Variants in SAMD5 observed in about 807,000 individuals in gnomAD.
The protein encoded by SAMD5 is sterile alpha motif domain-containing protein 5.
Under a neutral mutation model 11.3 loss-of-function variants are expected in SAMD5, and 13 were observed. The ratio of observed to expected loss-of-function variants is 1.15; its 90% confidence interval spans 0.75 to 1.83. The LOEUF is 1.83. SAMD5 is among the 40% of genes most tolerant of loss of function. SAMD5 has a pLI of 0.00. For missense variants in SAMD5, 255 were observed against 239.1 expected (o/e 1.07, Z -0.44); for synonymous variants, 129 against 111.3 (o/e 1.16, Z -1.00).
chr6:147,877,667 G>A, the SAMD5 span, among the ~76,000 whole-genome samples: 2 of 151,924 alleles, frequency 1.3e-5, no homozygotes, highest in African/African-American at 2.4e-5. Context: ...CATCATGTGG[G>A]TAGTCTTTAT....
At chr6:147,660,919 C>G (rs1433951504) in intron 1 of SAMD5, 1 of 152,194 alleles carries the variant, frequency 6.6e-6, no homozygotes, top group Non-Finnish European at 1.5e-5. Flanking sequence ...ACTGGGAAGT[C>G]AGGCACAGGT....
chr6:147,731,432 A>G (rs1211865872), intron 1 of SAMD5, among the ~76,000 whole-genome samples: 3 of 152,156 alleles, frequency 2.0e-5, no homozygotes, highest in Non-Finnish European at 4.4e-5. Context: ...AGGAATGCTC[A>G]TGGGCTGCTG....
At chr6:147,631,148 G>A (rs1304052714) in intron 1 of SAMD5, among the ~76,000 whole-genome samples, 2 of 152,204 alleles carry the variant, frequency 1.3e-5, no homozygotes, top group Non-Finnish European at 2.9e-5. Context: ...TTTGTGGTAA[G>A]GGGTGATATT....
intron 1 of SAMD5, among the ~76,000 whole-genome samples, chr6:147,604,435 A>T (rs1358086121): frequency 3.9e-5 from 6 of 152,162 alleles, no homozygotes; most frequent in Admixed American, 3.9e-4. Flanking sequence ...CAGCCAAAAG[A>T]TAGTTTTCCT....
the SAMD5 span, among the ~76,000 whole-genome samples, chr6:147,809,788 T>G: frequency 3.3e-5 from 5 of 152,228 alleles, no homozygotes; most frequent in Non-Finnish European, 7.3e-5. Flanking sequence ...CATTCTTGGT[T>G]GTGAGGGCTG....
chr6:147,725,967 T>C (rs73787393), intron 1 of SAMD5, among the ~76,000 whole-genome samples: 1,571 of 152,286 alleles, frequency 0.01, 23 homozygotes, highest in African/African-American at 0.036. Flanking sequence ...ATATAAAATG[T>C]TTTCCACCAT....
the SAMD5 span, among the ~76,000 whole-genome samples, chr6:147,795,023 T>TA: frequency 2.6e-5 from 4 of 151,508 alleles, no homozygotes; most frequent in Middle Eastern, 3.4e-3. Flanking sequence ...TGGGACTCAT[T>TA]AAAAAAAATG....
chr6:147,850,136 A>G, the SAMD5 span, among the ~76,000 whole-genome samples: 1 of 152,254 alleles, frequency 6.6e-6, no homozygotes, highest in Non-Finnish European at 1.5e-5. Flanking sequence ...TGCTGTTTAA[A>G]TGAATCTGGA....
the SAMD5 span, among the ~76,000 whole-genome samples, chr6:147,829,164 T>C: frequency 6.6e-6 from 1 of 152,206 alleles, no homozygotes. Flanking sequence ...AGTTTGCTAA[T>C]ATGATTAATT....
chr6:147,852,469 T>C, the SAMD5 span, among the ~76,000 whole-genome samples: 8 of 152,150 alleles, frequency 5.3e-5, no homozygotes, highest in African/African-American at 1.7e-4. Context: ...GTTTGATTTT[T>C]TCAGTAAACT....
At chr6:147,950,376 A>G in the SAMD5 span, among the ~76,000 whole-genome samples, 1 of 152,014 alleles carries the variant, frequency 6.6e-6, no homozygotes, top group Non-Finnish European at 1.5e-5. Context: ...TGGCCTCCTG[A>G]TATTGGGCTG....
the SAMD5 span, among the ~76,000 whole-genome samples, chr6:147,861,827 C>A: frequency 6.6e-6 from 1 of 152,126 alleles, no homozygotes; most frequent in Non-Finnish European, 1.5e-5. Context: ...AGGGGATGCC[C>A]CTCATGTGAA....
chr6:147,910,288 C>T, the SAMD5 span, among the ~76,000 whole-genome samples: 324 of 152,254 alleles, frequency 2.1e-3, 4 homozygotes, highest in East Asian at 0.011. Flanking sequence ...GCTAGGGCTC[C>T]TGGCAAGTGG....
the SAMD5 span, among the ~76,000 whole-genome samples, chr6:147,815,545 G>A: frequency 6.6e-6 from 1 of 152,170 alleles, no homozygotes; most frequent in East Asian, 1.9e-4. Flanking sequence ...AGTGATTCCT[G>A]AGGCAGACAC....
At chr6:147,515,431 ACCATCCATCCAT>A (rs58973849) in intron 1 of SAMD5, among the ~76,000 whole-genome samples, 1,965 of 148,762 alleles carry the variant, frequency 0.013, 42 homozygotes, top group African/African-American at 0.045. Flanking sequence ...CTTCCATCCA[ACCATCCATCCAT>A]CCATCCATCC....
intron 1 of SAMD5, among the ~76,000 whole-genome samples, chr6:147,718,938 G>A (rs1188231886): frequency 6.6e-6 from 1 of 152,212 alleles, no homozygotes; most frequent in African/African-American, 2.4e-5. Flanking sequence ...TGATCCGCCT[G>A]CCTCAGCCTC....
intron 1 of SAMD5, among the ~76,000 whole-genome samples, chr6:147,656,032 T>C (rs765134025): frequency 6.6e-6 from 1 of 152,216 alleles, no homozygotes; most frequent in Non-Finnish European, 1.5e-5. Context: ...AGTCATCTAA[T>C]TATGGATCAA....
At chr6:147,718,510 G>T (rs977252678) in intron 1 of SAMD5, among the ~76,000 whole-genome samples, 33 of 152,062 alleles carry the variant, frequency 2.2e-4, no homozygotes, top group Admixed American at 2.2e-3. Context: ...TTATTTCAAG[G>T]TTTAAAATTT....
the SAMD5 span, among the ~76,000 whole-genome samples, chr6:147,879,608 A>T: frequency 4.6e-5 from 7 of 152,216 alleles, no homozygotes; most frequent in Non-Finnish European, 1.0e-4. Context: ...TGGGATGTTC[A>T]TTTGTACTAA....
Sources: allele counts gnomAD v4.1 joint callset (sites outside exome capture counted in the v4.1 genomes callset), GRCh38; gene constraint gnomAD v4.1.1; transcripts MANE v1.5; gene names NCBI Gene and HGNC (gene_info 2026-07-23, HGNC 2026-07-21).